The following AKT3 variants were observed in gnomAD, a reference collection of about 807,000 sequenced individuals.
AKT3 encodes AKT serine/threonine kinase 3.
A neutral mutation model predicts 65.3 loss-of-function variants in AKT3; 15 were observed. That is an observed-to-expected ratio of 0.23 (90% CI 0.15 to 0.35). The LOEUF is 0.35. Among genes scored for constraint, AKT3 ranks in the 10% least tolerant of loss-of-function variants. The probability of loss-of-function intolerance (pLI) is 1.00; values close to 1 mark genes in which losing one functional copy is unlikely to be tolerated. For missense variants in AKT3, 243 were observed against 576.5 expected (o/e 0.42, Z 5.92); for synonymous variants, 206 against 183.8 (o/e 1.12, Z -0.98).
intron 9 of AKT3, among the ~76,000 whole-genome samples, chr1:243,565,831 T>C (rs1170485789): frequency 6.6e-6 from 1 of 151,654 alleles, no homozygotes; most frequent in Non-Finnish European, 1.5e-5. Context: ...TTTTACTGAA[T>C]AAAAATGTAT....
intron 2 of AKT3, among the ~76,000 whole-genome samples, chr1:243,733,310 T>G (rs1007345914): frequency 6.6e-6 from 1 of 152,204 alleles, no homozygotes; most frequent in African/African-American, 2.4e-5. Flanking sequence ...AAGTTTTGAC[T>G]CATAAGAGAC....
intron 8 of AKT3, among the ~76,000 whole-genome samples, chr1:243,588,176 A>C (rs529875519): frequency 3.3e-5 from 5 of 152,194 alleles, no homozygotes; most frequent in Non-Finnish European, 7.3e-5. Context: ...CAGAACACTA[A>C]TGAGGAGGAA....
chr1:243,542,158 G>A (rs907130660), intron 12 of AKT3, among the ~76,000 whole-genome samples: 1 of 152,146 alleles, frequency 6.6e-6, no homozygotes, highest in Non-Finnish European at 1.5e-5. Context: ...TTAGCAGACT[G>A]ACAGAGTGTA....
chr1:243,517,502 A>T (rs1304093469), intron 12 of AKT3, among the ~76,000 whole-genome samples: 1 of 152,226 alleles, frequency 6.6e-6, no homozygotes, highest in Non-Finnish European at 1.5e-5. Context: ...TGCATAACTA[A>T]GACGGTTAAT....
intron 2 of AKT3, among the ~76,000 whole-genome samples, chr1:243,760,282 C>CTTT (rs58733457): frequency 0.6 from 48,263 of 80,646 alleles, 16,448 homozygotes; most frequent in Non-Finnish European, 0.7. Flanking sequence ...CTATATCTGG[C>CTTT]TTTTTTTTTT....
chr1:243,821,420 T>C lies in AKT3; in HGVS notation c.46+21705A>G, dbSNP rs756170803. Among the ~76,000 whole-genome samples the C allele has an allele frequency of 4.6e-5, 7 of 152,074 alleles. No homozygotes were observed. The South Asian group carries it at 8.3e-4, about 18-fold the overall frequency. On this transcript the variant is annotated intron_variant, in intron 2 of 13. Transcript: ENST00000673466. ...CTAACATCATGATGACAGAATCAAA[T>C]TCACAAATAACAATATTAACCTTAA...
chr1:243,539,499 G>A (rs1254881159), intron 12 of AKT3, among the ~76,000 whole-genome samples: 1 of 152,094 alleles, frequency 6.6e-6, no homozygotes, highest in Non-Finnish European at 1.5e-5. Context: ...TTTTGAGCAT[G>A]GTGCCCGTAA....
intron 2 of AKT3, among the ~76,000 whole-genome samples, chr1:243,818,896 G>A (rs990913328): frequency 6.6e-6 from 1 of 152,150 alleles, no homozygotes; most frequent in African/African-American, 2.4e-5. Context: ...GTGATGCAAT[G>A]GCCCACATGG....
intron 12 of AKT3, among the ~76,000 whole-genome samples, chr1:243,526,071 G>A (rs1374872297): frequency 1.3e-5 from 2 of 151,694 alleles, no homozygotes; most frequent in African/African-American, 2.4e-5. Context: ...GAGATTACAG[G>A]TAACTGAATT....
intron 2 of AKT3, among the ~76,000 whole-genome samples, chr1:243,782,133 C>A (rs755578991): frequency 2.0e-4 from 30 of 152,128 alleles, no homozygotes; most frequent in Non-Finnish European, 8.8e-5. Context: ...ACTAGTCTCT[C>A]TTAATGGCCC....
intron 2 of AKT3, among the ~76,000 whole-genome samples, chr1:243,731,353 A>T (rs1318643979): frequency 1.1e-4 from 17 of 152,162 alleles, no homozygotes; most frequent in Non-Finnish European, 5.9e-5. Flanking sequence ...AGAATTTAGA[A>T]AACACTTGCT....
intron 2 of AKT3, among the ~76,000 whole-genome samples, chr1:243,796,948 G>GT (rs1224144944): frequency 2.0e-5 from 3 of 152,196 alleles, no homozygotes; most frequent in African/African-American, 7.2e-5. Context: ...AGAAAGAATG[G>GT]TTGTTGTTAG....
intron 3 of AKT3, among the ~76,000 whole-genome samples, chr1:243,691,026 C>G (rs958989085): frequency 6.6e-6 from 1 of 152,014 alleles, no homozygotes; most frequent in African/African-American, 2.4e-5. Context: ...ACAAGATAAC[C>G]AAGAAACAAT....
intron 1 of AKT3, 60 bp from the exon 2 acceptor site, chr1:243,843,342 A>C: frequency 7.5e-7 from 1 of 1,336,866 alleles, no homozygotes; most frequent in Non-Finnish European, 9.6e-7. Context: ...CAGAGCAATA[A>C]CAAACAACTA....
chr1:243,586,761 C>T (rs1675842728), intron 8 of AKT3, among the ~76,000 whole-genome samples: 1 of 152,018 alleles, frequency 6.6e-6, no homozygotes, highest in African/African-American at 2.4e-5. Flanking sequence ...GAAAAATTAA[C>T]TGTTGGGTAC....
At chr1:243,757,357 C>A (rs138679016) in intron 2 of AKT3, among the ~76,000 whole-genome samples, 45 of 152,340 alleles carry the variant, frequency 3.0e-4, no homozygotes, top group African/African-American at 8.9e-4. Context: ...CTGGCTCATG[C>A]CTGTAAACCC....
intron 2 of AKT3, among the ~76,000 whole-genome samples, chr1:243,819,288 T>C (rs1693716003): frequency 6.6e-6 from 1 of 152,320 alleles, no homozygotes; most frequent in Non-Finnish European, 1.5e-5. Context: ...TAGCTCCAGT[T>C]GGCCGTTTTT....
At chr1:243,831,765 T>G (rs940176653) in intron 2 of AKT3, among the ~76,000 whole-genome samples, 24 of 152,060 alleles carry the variant, frequency 1.6e-4, no homozygotes, top group African/African-American at 5.6e-4. Context: ...TTTTCCATAC[T>G]CAGAGGATTT....
chr1:243,736,260 T>G (rs1305231895), intron 2 of AKT3, among the ~76,000 whole-genome samples: 1 of 152,230 alleles, frequency 6.6e-6, no homozygotes, highest in Non-Finnish European at 1.5e-5. Flanking sequence ...AAGCTTAGGT[T>G]ATTTTATATA....
Sources: allele counts gnomAD v4.1 joint callset (sites outside exome capture counted in the v4.1 genomes callset), GRCh38; gene constraint gnomAD v4.1.1; transcripts MANE v1.5; gene names NCBI Gene and HGNC (gene_info 2026-07-23, HGNC 2026-07-21).